METTL15: variants seen among roughly 807,000 people sequenced by gnomAD.
METTL15 encodes the protein methyltransferase 15, mitochondrial 12S rRNA N4-cytidine, also known as 12S rRNA N(4)-cytidine methyltransferase METTL15.
METTL15 carries 34 observed loss-of-function variants against 38.3 expected under a neutral mutation model. The observed-to-expected ratio is 0.89, with a 90% CI of 0.68 to 1.18. The LOEUF is 1.18. Among genes scored for constraint, METTL15 ranks in the 50% most tolerant of loss-of-function variants. The pLI, the probability that METTL15 is intolerant of heterozygous loss-of-function variation, is 0.00. For synonymous variants in METTL15, 162 were observed against 170.9 expected, an observed-to-expected ratio of 0.95 and a Z score of 0.41; for missense variants, 438 against 498.4, an observed-to-expected ratio of 0.88 and a Z score of 1.15.
At chr11:28,205,451 G>A (rs925659387) in intron 3 of METTL15, among the ~76,000 whole-genome samples, 3 of 151,892 alleles carry the variant, frequency 2.0e-5, no homozygotes, top group Non-Finnish European at 4.4e-5. Flanking sequence ...TTTTTTTATG[G>A]CTGCATAGTA....
chr11:28,437,673 G>C (rs2133437519), intron 6 of METTL15, among the ~76,000 whole-genome samples: 1 of 152,278 alleles, frequency 6.6e-6, no homozygotes, highest in East Asian at 1.9e-4. Context: ...GTCAACCTGA[G>C]TCAGAAGCAA....
chr11:28,468,891 T>C (rs1851279761), intron 6 of METTL15, among the ~76,000 whole-genome samples: 1 of 152,174 alleles, frequency 6.6e-6, no homozygotes, highest in South Asian at 2.1e-4. Context: ...GGAGCTCTAT[T>C]TTACATTGCA....
intron 5 of METTL15, among the ~76,000 whole-genome samples, chr11:28,291,703 A>G (rs1055815430): frequency 3.3e-5 from 5 of 152,168 alleles, no homozygotes; most frequent in Non-Finnish European, 5.9e-5. Flanking sequence ...AGTAACTAAT[A>G]GTAAAGGTGA....
At chr11:28,230,693 A>G (rs1209188845) in intron 4 of METTL15, among the ~76,000 whole-genome samples, 3 of 151,948 alleles carry the variant, frequency 2.0e-5, no homozygotes, top group African/African-American at 7.2e-5. Flanking sequence ...GTTTGCTATA[A>G]TTACATGTAT....
chr11:28,518,278 A>G (rs1590401891), intron 6 of METTL15, among the ~76,000 whole-genome samples: 1 of 152,098 alleles, frequency 6.6e-6, no homozygotes, highest in Admixed American at 6.5e-5. Context: ...AGAAAGAAAG[A>G]CTTTTGGGAA....
chr11:28,387,354 G>A (rs960577532), intron 5 of METTL15, among the ~76,000 whole-genome samples: 2 of 151,684 alleles, frequency 1.3e-5, no homozygotes, highest in Non-Finnish European at 1.5e-5. Flanking sequence ...AATGAAAAAG[G>A]AGATATTACA....
chr11:28,464,177 C>T (rs534681454), intron 6 of METTL15, among the ~76,000 whole-genome samples: 1 of 152,138 alleles, frequency 6.6e-6, no homozygotes, highest in Non-Finnish European at 1.5e-5. Context: ...GTAACACTAT[C>T]ATCATGTGTT....
chr11:28,293,842 A>G (rs1856623189), intron 5 of METTL15, among the ~76,000 whole-genome samples: 1 of 152,062 alleles, frequency 6.6e-6, no homozygotes, highest in Non-Finnish European at 1.5e-5. Context: ...TTCACTCATG[A>G]TTTGGCTCTC....
chr11:28,188,951 C>T (rs1172452801), intron 3 of METTL15, among the ~76,000 whole-genome samples: 2 of 151,196 alleles, frequency 1.3e-5, no homozygotes, highest in East Asian at 3.9e-4. Flanking sequence ...ATCTATTCAT[C>T]CTAGGTAACT....
chr11:28,381,342 A>G (rs1480278715), intron 5 of METTL15, among the ~76,000 whole-genome samples: 1 of 151,924 alleles, frequency 6.6e-6, no homozygotes, highest in Non-Finnish European at 1.5e-5. Context: ...ATGCCTTAGG[A>G]TACTTTTATT....
chr11:28,120,570 A>T (rs910790757), intron 3 of METTL15, among the ~76,000 whole-genome samples: 2 of 151,992 alleles, frequency 1.3e-5, no homozygotes, highest in Non-Finnish European at 2.9e-5. Flanking sequence ...GTATTTGCAA[A>T]TTTCCATGGG....
At chr11:28,322,597 T>C (rs1373303533) in intron 6 of METTL15, among the ~76,000 whole-genome samples, 1 of 152,126 alleles carries the variant, frequency 6.6e-6, no homozygotes, top group Non-Finnish European at 1.5e-5. Context: ...AGAGTATATT[T>C]AGAAATATTG....
chr11:28,255,693 G>A (rs375512780), intron 4 of METTL15, among the ~76,000 whole-genome samples: 3 of 152,078 alleles, frequency 2.0e-5, no homozygotes, highest in South Asian at 2.1e-4. Context: ...TTTCAGCATC[G>A]ATTGAAATCA....
At chr11:28,117,590 A>G (rs1453995974) in intron 3 of METTL15, among the ~76,000 whole-genome samples, 1 of 152,186 alleles carries the variant, frequency 6.6e-6, no homozygotes, top group Non-Finnish European at 1.5e-5. Context: ...AAGTACCTAC[A>G]AATGTAATGT....
intron 4 of METTL15, among the ~76,000 whole-genome samples, chr11:28,236,961 T>C (rs538627332): frequency 7.4e-4 from 113 of 152,312 alleles, no homozygotes; most frequent in Non-Finnish European, 1.4e-3. Flanking sequence ...GAGTTTCTGC[T>C]GAGAGATCAG....
At chr11:28,433,977 T>A (rs542189616) in intron 6 of METTL15, among the ~76,000 whole-genome samples, 5 of 152,324 alleles carry the variant, frequency 3.3e-5, no homozygotes, top group Admixed American at 3.3e-4. Flanking sequence ...TCCTTGGGCA[T>A]CGTTCTGCAT....
intron 2 of METTL15, 25 bp from the exon 3 acceptor site, chr11:28,113,293 A>G (rs1466160077): frequency 7.6e-6 from 11 of 1,443,712 alleles, no homozygotes; most frequent in East Asian, 2.3e-5. Flanking sequence ...AAATCCAACA[A>G]TCATATTTTA....
chr11:28,361,848 G>A (rs1850142383), intron 4 of METTL15: 1 of 152,122 alleles, frequency 6.6e-6, no homozygotes, highest in Admixed American at 6.6e-5. Flanking sequence ...TCCTCATTGG[G>A]TTAGACAAGC....
chr11:28,168,167 T>C (rs1850720606), intron 3 of METTL15, among the ~76,000 whole-genome samples: 2 of 152,112 alleles, frequency 1.3e-5, no homozygotes, highest in Admixed American at 6.6e-5. Flanking sequence ...TTTGCCCATA[T>C]TTATTGAACA....
Sources: allele counts gnomAD v4.1 joint callset (sites outside exome capture counted in the v4.1 genomes callset), GRCh38; gene constraint gnomAD v4.1.1; transcripts MANE v1.5; gene names NCBI Gene and HGNC (gene_info 2026-07-23, HGNC 2026-07-21).